GBE1: variants seen among roughly 807,000 people sequenced by gnomAD.
The protein encoded by GBE1 is 1,4-alpha-glucan branching enzyme 1.
Under a neutral mutation model 88.8 loss-of-function variants are expected in GBE1, and 70 were observed. The ratio of observed to expected loss-of-function variants is 0.79; its 90% CI spans 0.65 to 0.96. The LOEUF (loss-of-function observed/expected upper bound fraction) is 0.96. Among genes scored for constraint, GBE1 ranks in the 40% least tolerant of loss-of-function variants. The probability of loss-of-function intolerance (pLI) is 0.00; values close to 1 mark genes in which losing one functional copy is unlikely to be tolerated. For missense variants in GBE1, 872 were observed against 871.0 expected (o/e 1.00, Z -0.01); for synonymous variants, 284 against 300.1 (o/e 0.95, Z 0.56).
chr3:81,662,328 G>T (rs1212355921), intron 3 of GBE1, among the ~76,000 whole-genome samples: 1 of 151,946 alleles, frequency 6.6e-6, no homozygotes. Flanking sequence ...CACCGTACCC[G>T]GCCCTTCCTG....
At chr3:81,557,222 C>G (rs995713942) in intron 12 of GBE1, among the ~76,000 whole-genome samples, 2 of 151,974 alleles carry the variant, frequency 1.3e-5, no homozygotes, top group African/African-American at 2.4e-5. Context: ...CGACCTTGCA[C>G]GTTGTTTGTA....
At chr3:81,695,134 T>C (rs970566049) in intron 2 of GBE1, among the ~76,000 whole-genome samples, 2 of 152,198 alleles carry the variant, frequency 1.3e-5, no homozygotes, top group South Asian at 2.1e-4. Context: ...AGTCGAGAAG[T>C]TGATTGGTGA....
At chr3:81,541,525 C>T (rs965245382) in intron 12 of GBE1, among the ~76,000 whole-genome samples, 2 of 142,190 alleles carry the variant, frequency 1.4e-5, no homozygotes, top group South Asian at 5.0e-4. Flanking sequence ...GGTGATGGGG[C>T]TTTGGGAGGT....
intron 1 of GBE1, among the ~76,000 whole-genome samples, chr3:81,751,953 C>A (rs905376972): frequency 6.6e-6 from 1 of 152,094 alleles, no homozygotes; most frequent in African/African-American, 2.4e-5. Flanking sequence ...ACAGTTAATT[C>A]TTTTTGCTGG....
At chr3:81,617,654 C>T (rs956907433) in intron 7 of GBE1, among the ~76,000 whole-genome samples, 7 of 151,748 alleles carry the variant, frequency 4.6e-5, no homozygotes, top group Admixed American at 1.3e-4. Context: ...TCCTAATTCA[C>T]GAGGAATATT....
intron 14 of GBE1, among the ~76,000 whole-genome samples, chr3:81,531,939 GC>G (rs1177614368): frequency 2.0e-5 from 3 of 151,950 alleles, no homozygotes; most frequent in Non-Finnish European, 2.9e-5. Flanking sequence ...TGGTCTAATG[GC>G]TCTCTTTGCG....
chr3:81,712,249 C>A (rs1022508204), intron 1 of GBE1, among the ~76,000 whole-genome samples: 2 of 152,190 alleles, frequency 1.3e-5, no homozygotes, highest in Non-Finnish European at 2.9e-5. Context: ...AGTGGCGATT[C>A]CCCAAGGATC....
chr3:81,758,246 C>A (rs1001375772), intron 1 of GBE1, among the ~76,000 whole-genome samples: 1 of 152,176 alleles, frequency 6.6e-6, no homozygotes, highest in African/African-American at 2.4e-5. Context: ...ACATTAAATA[C>A]CGGATCTGAA....
chr3:81,497,033 C>T (rs1415227497), intron 15 of GBE1, among the ~76,000 whole-genome samples: 2 of 152,176 alleles, frequency 1.3e-5, no homozygotes, highest in Non-Finnish European at 2.9e-5. Flanking sequence ...CTATGTATTA[C>T]TGATACTTAT....
intron 12 of GBE1, among the ~76,000 whole-genome samples, chr3:81,562,007 C>T (rs564891875): frequency 6.6e-6 from 1 of 152,202 alleles, no homozygotes; most frequent in African/African-American, 2.4e-5. Flanking sequence ...GAAGTACTCA[C>T]GGTGCTTTAT....
At chr3:81,573,775 C>T (rs9309874) in intron 12 of GBE1, among the ~76,000 whole-genome samples, 2 of 148,788 alleles carry the variant, frequency 1.3e-5, no homozygotes, top group African/African-American at 2.5e-5. Context: ...CTCTCTCTCT[C>T]TGTGTGTGTG....
At chr3:81,584,556 A>G (rs1703774536) in intron 10 of GBE1, among the ~76,000 whole-genome samples, 1 of 152,116 alleles carries the variant, frequency 6.6e-6, no homozygotes, top group Admixed American at 6.6e-5. Flanking sequence ...AATTTTAAAT[A>G]ATTACATAAA....
At chr3:81,607,391 C>G (rs916380473) in intron 7 of GBE1, among the ~76,000 whole-genome samples, 4 of 151,700 alleles carry the variant, frequency 2.6e-5, no homozygotes, top group Admixed American at 2.6e-4. Flanking sequence ...TCTACTAAAA[C>G]TACAAAAATT....
At chr3:81,585,227 CA>C (rs1156488727) in intron 10 of GBE1, among the ~76,000 whole-genome samples, 1 of 151,826 alleles carries the variant, frequency 6.6e-6, no homozygotes, top group African/African-American at 2.4e-5. Context: ...ACAAATTGCC[CA>C]GGGGGACAGG....
chr3:81,539,612 G>A (rs1446200389), intron 12 of GBE1, among the ~76,000 whole-genome samples: 2 of 151,962 alleles, frequency 1.3e-5, no homozygotes, highest in African/African-American at 4.8e-5. Context: ...TGGAAACACA[G>A]AAAAGAATGA....
In GBE1 at chr3:81,540,762, G is replaced by A. The variant is rs532299218; in HGVS notation, c.1619-3667C>T. 3.3e-5 allele frequency among the ~76,000 whole-genome samples: 5 copies of A among 152,126 alleles called. No individual in the cohort carries two copies. The East Asian group carries it at 7.8e-4, about 24-fold the overall frequency. Reference sequence around the variant, plus strand: ...AGACAGAATTGAAAATGAAAATAATGTTGTTACAAGACACAGACTGATTGG... The same window carrying A: ...AGACAGAATTGAAAATGAAAATAATATTGTTACAAGACACAGACTGATTGG... On this transcript the variant is annotated intron_variant, in intron 12 of 15. Coordinates refer to ENST00000429644, the MANE Select transcript of GBE1 (RefSeq NM_000158.4).
At chr3:81,691,175 T>A (rs377302947) in intron 2 of GBE1, among the ~76,000 whole-genome samples, 2 of 152,180 alleles carry the variant, frequency 1.3e-5, no homozygotes, top group East Asian at 1.9e-4. Context: ...TGAAAGTGAA[T>A]GAATCTCGAT....
chr3:81,577,914 C>A lies in GBE1; in HGVS notation c.1618+11G>T. On this transcript the variant is annotated intron_variant, in intron 12 of 15. Coordinates refer to ENST00000429644, the MANE Select transcript of GBE1 (RefSeq NM_000158.4). The stretch of plus-strand genomic sequence containing the variant: ...AAACACAAATTGCATATGTGTTTAA[C>A]TCACACTTACCCATGAAATTGAGAT... 1 of 1,579,216 alleles carries A rather than the reference C, an allele frequency of 6.3e-7. No individual in the cohort carries two copies. Among genetic ancestry groups the A allele is most frequent in the South Asian group, 1.2e-5 (1 of 82,230 alleles).
At chr3:81,751,544 G>A (rs1706528415) in intron 1 of GBE1, among the ~76,000 whole-genome samples, 1 of 152,218 alleles carries the variant, frequency 6.6e-6, no homozygotes, top group African/African-American at 2.4e-5. Context: ...GACATAGTAA[G>A]CTAGCACGTG....
Sources: allele counts gnomAD v4.1 joint callset (sites outside exome capture counted in the v4.1 genomes callset), GRCh38; gene constraint gnomAD v4.1.1; transcripts MANE v1.5; gene names NCBI Gene and HGNC (gene_info 2026-07-23, HGNC 2026-07-21).